The following UGT3A2 variants were observed in gnomAD, a reference collection of about 807,000 sequenced individuals.
The protein encoded by UGT3A2 is UDP-glycosyltransferase 3A2.
In UGT3A2, 32 loss-of-function variants were observed where a neutral mutation model predicts 39.8. The ratio of observed to expected loss-of-function variants is 0.80; its 90% CI spans 0.61 to 1.08. UGT3A2 has a LOEUF of 1.08. Ranked by LOEUF, UGT3A2 falls within the 50% of genes least tolerant of loss-of-function variation. UGT3A2 has a pLI of 0.00. For missense variants in UGT3A2, 611 were observed against 637.1 expected (o/e 0.96, Z 0.44); for synonymous variants, 241 against 230.7 (o/e 1.04, Z -0.40).
At chr5:36,044,065 T>A (rs1742092677) in intron 4 of UGT3A2, among the ~76,000 whole-genome samples, 1 of 152,100 alleles carries the variant, frequency 6.6e-6, no homozygotes, top group African/African-American at 2.4e-5. Context: ...ATATCTCTGA[T>A]GAATATTAAG....
chr5:36,036,150 T>C (rs894368499), intron 6 of UGT3A2, among the ~76,000 whole-genome samples, 176 bp from the exon 7 acceptor site: 6 of 152,228 alleles, frequency 3.9e-5, no homozygotes, highest in African/African-American at 1.2e-4. Context: ...CAAAGATCCA[T>C]GTATAATGCT....
rs1268175788 is a variant in UGT3A2, at chr5:36,035,525, T to A, written c.*173A>T. 1.0e-6 allele frequency: 1 copy of A among 967,138 alleles called. No individual in the cohort carries two copies. The highest frequency in any genetic ancestry group is 1.7e-5 in the African/African-American group (1 of 60,300). 59.9% of individuals were successfully genotyped at this position (967,138 alleles called of 1,614,324 possible). A position where few individuals can be genotyped will look rare whatever the true frequency, so the allele number is the denominator to read the frequency against. ...CAGGCAGGAGCTAGTAAGGATGAAT[T>A]TGTAGCAAAATTAGCAAGTGGAAAG... On this transcript the variant is annotated 3_prime_UTR_variant, in exon 7 of 7. Coordinates refer to ENST00000282507, the MANE Select transcript of UGT3A2 (RefSeq NM_174914.4).
chr5:36,061,046 C>A (rs915599763), intron 2 of UGT3A2, among the ~76,000 whole-genome samples: 8 of 152,094 alleles, frequency 5.3e-5, no homozygotes, highest in Non-Finnish European at 1.2e-4. Flanking sequence ...ATAGCACGCA[C>A]CTGTAGTCCC....
chr5:36,054,345 C>A (rs537092341), intron 2 of UGT3A2, among the ~76,000 whole-genome samples: 17 of 152,300 alleles, frequency 1.1e-4, no homozygotes, highest in African/African-American at 3.8e-4. Context: ...TATTTGCCTA[C>A]CACAGAGTGT....
chr5:36,052,151 C>A (rs1742364823), intron 2 of UGT3A2, among the ~76,000 whole-genome samples, 167 bp from the exon 3 acceptor site: 1 of 152,100 alleles, frequency 6.6e-6, no homozygotes, highest in Admixed American at 6.5e-5. Flanking sequence ...CAGAGTCTTG[C>A]TCTGTCATTT....
At chr5:36,053,462 C>G (rs1201038225) in intron 2 of UGT3A2, among the ~76,000 whole-genome samples, 1 of 152,062 alleles carries the variant, frequency 6.6e-6, no homozygotes, top group African/African-American at 2.4e-5. Flanking sequence ...GAAAATCAGC[C>G]CACATTGCAT....
chr5:36,057,551 T>TC (rs1742553811), intron 2 of UGT3A2, among the ~76,000 whole-genome samples: 1 of 151,560 alleles, frequency 6.6e-6, no homozygotes, highest in Admixed American at 6.6e-5. Flanking sequence ...TTTTTTTTTT[T>TC]CTCAGACTGG....
intron 5 of UGT3A2, among the ~76,000 whole-genome samples, chr5:36,038,478 C>T (rs987290104): frequency 6.6e-6 from 1 of 152,186 alleles, no homozygotes; most frequent in Non-Finnish European, 1.5e-5. Context: ...CATCACAACT[C>T]ATATGTCACT....
intron 2 of UGT3A2, among the ~76,000 whole-genome samples, chr5:36,059,916 A>G (rs1742634049): frequency 6.6e-6 from 1 of 152,226 alleles, no homozygotes; most frequent in Admixed American, 6.5e-5. Context: ...GTGTGCGACC[A>G]TGGAACAGGA....
In UGT3A2 at chr5:36,051,898, A is replaced by G. The variant is rs758020113; in HGVS notation, c.283T>C (p.Phe95Leu). The G allele has an allele frequency of 6.3e-7, 1 of 1,593,910 alleles. No homozygotes were observed. The highest frequency in any genetic ancestry group is 8.5e-7 in the Non-Finnish European group (1 of 1,175,164). The change falls in exon 3 of 7, where the codon TTC becomes CTC. Residue 95 changes from phenylalanine (F) to leucine (L), a missense_variant. Coordinates refer to ENST00000282507, the MANE Select transcript of UGT3A2 (RefSeq NM_174914.4). ...HQREFKKSFD[F>L]FLEETLGGRG... ...CCACCTAAAGTTTCTTCCAGAAAGA[A>G]ATCAAAACTCTTTTTAAATTCTCTT...
At position 36,066,696 on chromosome 5, in the gene UGT3A2, C is replaced by CTACT; in HGVS notation, c.90_93dup (p.Gly32SerfsTer22). ...GGGAATTCTCCGGCCAAGCACTCAC[C>CTACT]TACTGTAGATATTGTCAGGATTTTG... is the stretch of plus-strand genomic sequence containing the variant. On this transcript the variant is annotated frameshift_variant and splice_region_variant, in exon 1 of 7. Coordinates refer to ENST00000282507, the MANE Select transcript of UGT3A2 (RefSeq NM_174914.4). LOFTEE classifies it high-confidence loss of function. The CTACT allele has an allele frequency of 6.2e-7, 1 of 1,614,164 alleles. No individual in the cohort carries two copies. Among genetic ancestry groups the CTACT allele is most frequent in the Non-Finnish European group, 8.5e-7 (1 of 1,180,026 alleles).
In UGT3A2 at chr5:36,035,587, A is replaced by T. The variant is rs893565840; in HGVS notation, c.*111T>A. ...GCCATTTTTCCTGTTCTTCAAGAAA[A>T]CAGGAGATAACTAGAAGGACTAGAG... On this transcript the variant is annotated 3_prime_UTR_variant, in exon 7 of 7. Coordinates refer to ENST00000282507, the MANE Select transcript of UGT3A2 (RefSeq NM_174914.4). 2.8e-6 allele frequency: 4 copies of T among 1,448,042 alleles called. No homozygotes were observed. The highest frequency in any genetic ancestry group is 3.7e-6 in the Non-Finnish European group (4 of 1,083,662). The allele number at this position is 1,448,042 out of a possible 1,614,324, so 89.7% of individuals were successfully genotyped here.
intron 4 of UGT3A2, among the ~76,000 whole-genome samples, chr5:36,043,240 T>G (rs115419566): frequency 0.01 from 1,545 of 152,074 alleles, 13 homozygotes; most frequent in African/African-American, 0.035. Context: ...CTCTGGATAT[T>G]ATACAAATGC....
intron 1 of UGT3A2, among the ~76,000 whole-genome samples, chr5:36,066,278 G>A (rs1401816991): frequency 2.0e-5 from 3 of 152,120 alleles, no homozygotes; most frequent in Non-Finnish European, 2.9e-5. Flanking sequence ...CCAAGAGCCT[G>A]AAAACGCTCA....
At position 36,035,793 on chromosome 5, in the gene UGT3A2, G is replaced by A; in HGVS notation, c.1477C>T (p.Leu493=). 3 of 1,614,110 alleles carry A rather than the reference G, an allele frequency of 1.9e-6. No homozygotes were observed. The highest frequency in any genetic ancestry group is 1.6e-4 in the Middle Eastern group (1 of 6,062). Residue 493 remains leucine, a synonymous_variant, in exon 7 of 7, where the codon CTG becomes TTG. Coordinates refer to ENST00000282507, the MANE Select transcript of UGT3A2 (RefSeq NM_174914.4). ...QYLLDVFVFL[L]GLTLGTLWLC... ...CATAGAGTCCCCAGAGTGAGCCCCAGCAGAAACACAAAAACGTCGAGCAGG... is the reference window on the plus strand; with the variant it reads ...CATAGAGTCCCCAGAGTGAGCCCCAACAGAAACACAAAAACGTCGAGCAGG...
At chr5:36,044,498 A>G (rs1191076160) in intron 4 of UGT3A2, among the ~76,000 whole-genome samples, 7 of 152,316 alleles carry the variant, frequency 4.6e-5, no homozygotes, top group African/African-American at 1.7e-4. Context: ...GAAAAGAGAA[A>G]GAAATAAAGG....
rs774416990 is a variant in UGT3A2, at chr5:36,038,007, C to G, written c.1085G>C (p.Ser362Thr). 14 of 1,594,382 alleles carry G rather than the reference C, an allele frequency of 8.8e-6. No homozygotes were observed. Among genetic ancestry groups the G allele is most frequent in the African/African-American group, 1.4e-5 (1 of 73,954 alleles). Residue 362 changes from serine (S) to threonine (T), a missense_variant, in exon 6 of 7, where the codon AGC becomes ACC. Transcript: ENST00000282507. ...GCCGTGGGTGACAAACAGACGGATGCTTGGGTGAGCTGTTGTAAATAAGAA... is the reference window on the plus strand; with the variant it reads ...GCCGTGGGTGACAAACAGACGGATGGTTGGGTGAGCTGTTGTAAATAAGAA... The part of the protein sequence containing the change: ...LPQSDLLAHP[S>T]IRLFVTHGGQ...
chr5:36,049,423 G>C lies in UGT3A2; in HGVS notation c.312-3C>G. On this transcript the variant is annotated splice_polypyrimidine_tract_variant and splice_region_variant and intron_variant, in intron 3 of 6. Transcript: ENST00000282507. ...TTAATAAGTTTTCAAATTTTCCTCT[G>C]TAAGAAAAAAATGATAATAAATATT... 1.3e-6 allele frequency: 2 copies of C among 1,537,782 alleles called. No homozygotes were observed. Among genetic ancestry groups the C allele is most frequent in the Admixed American group, 2.2e-5 (1 of 45,848 alleles).
chr5:36,052,573 C>T (rs943609905), intron 2 of UGT3A2, among the ~76,000 whole-genome samples: 1 of 152,016 alleles, frequency 6.6e-6, no homozygotes, highest in Non-Finnish European at 1.5e-5. Context: ...CACACACCTT[C>T]TCTCTTATCC....
Sources: gnomAD v4.1 joint callset for allele counts (sites outside exome capture counted in the v4.1 genomes callset) on GRCh38, gnomAD v4.1.1 for gene constraint, MANE v1.5 for transcripts, NCBI Gene and HGNC (gene_info 2026-07-23, HGNC 2026-07-21) for gene names.